Variants in CPEB1 observed in about 807,000 individuals in gnomAD.
The protein encoded by CPEB1 is cytoplasmic polyadenylation element-binding protein 1.
A neutral mutation model predicts 65.8 loss-of-function variants in CPEB1; 7 were observed. That is an observed-to-expected ratio of 0.11 (90% CI 0.06 to 0.20). The LOEUF (loss-of-function observed/expected upper bound fraction) is 0.20. Among genes scored for constraint, CPEB1 ranks in the 10% least tolerant of loss-of-function variants. The pLI, the probability that CPEB1 is intolerant of heterozygous loss-of-function variation, is 1.00. For missense variants in CPEB1, 551 were observed against 712.2 expected, an observed-to-expected ratio of 0.77 and a Z score of 2.58; for synonymous variants, 262 against 260.0, an observed-to-expected ratio of 1.01 and a Z score of -0.08.
chr15:82,589,344 G>A (rs897710315), intron 3 of CPEB1, among the ~76,000 whole-genome samples: 3 of 152,230 alleles, frequency 2.0e-5, no homozygotes, highest in African/African-American at 4.8e-5. Flanking sequence ...TTCTGAGAGA[G>A]AGACCTCAAT....
rs1405160530 is a variant in CPEB1, at chr15:82,543,798, G to C, written c.*794C>G. 6.6e-6 allele frequency: 1 copy of C among 152,064 alleles called. No homozygotes were observed. The highest frequency in any genetic ancestry group is 1.5e-5 in the Non-Finnish European group (1 of 68,016). 9.4% of individuals were successfully genotyped at this position (152,064 alleles called of 1,614,324 possible). A position where few individuals can be genotyped will look rare whatever the true frequency, so the allele number is the denominator to read the frequency against. On this transcript the variant is annotated 3_prime_UTR_variant, in exon 13 of 13. Coordinates refer to ENST00000684509, the MANE Select transcript of CPEB1 (RefSeq NM_001365242.1). Reference sequence around the variant, plus strand: ...CAGCCGCTCAAACACCGTTTATCCGGTCCAGTTTCAAATAAAACAAAAAAT... The same window carrying C: ...CAGCCGCTCAAACACCGTTTATCCGCTCCAGTTTCAAATAAAACAAAAAAT...
At position 82,604,137 on chromosome 15, in the gene CPEB1, C is replaced by A. The variant is rs74917746; in HGVS notation, c.271+23056G>T. ...GCCCAGAACGAAGGATCACTTGAGG[C>A]CAGGAGTTCAAGCCAAGCCTGGGCA... On this transcript the variant is annotated intron_variant, in intron 3 of 12. Transcript: ENST00000684509. Among the ~76,000 whole-genome samples the A allele has an allele frequency of 2.7e-3, 418 of 152,164 alleles. 2 individuals are homozygous for A. Among genetic ancestry groups the A allele is most frequent in the Admixed American group, 3.9e-3 (59 of 15,266 alleles).
chr15:82,624,352 G>C (rs1325253585), intron 3 of CPEB1, among the ~76,000 whole-genome samples: 1 of 152,268 alleles, frequency 6.6e-6, no homozygotes, highest in African/African-American at 2.4e-5. Context: ...CTGCAGTATT[G>C]TCTTAACATC....
chr15:82,552,798 G>A (rs980327771), intron 8 of CPEB1, among the ~76,000 whole-genome samples, 182 bp from the exon 9 acceptor site: 5 of 152,194 alleles, frequency 3.3e-5, no homozygotes, highest in Non-Finnish European at 7.3e-5. Flanking sequence ...CTGGGTTGTG[G>A]GCCTCCCTCC....
intron 9 of CPEB1, among the ~76,000 whole-genome samples, 200 bp downstream of exon 9, chr15:82,552,280 C>T (rs1227595019): frequency 1.3e-5 from 2 of 148,708 alleles, no homozygotes; most frequent in Non-Finnish European, 1.5e-5. Flanking sequence ...GCACACACCC[C>T]ATTAAGTCCC....
intron 3 of CPEB1, among the ~76,000 whole-genome samples, chr15:82,618,600 A>G (rs995559811): frequency 1.3e-5 from 2 of 152,204 alleles, no homozygotes; most frequent in African/African-American, 4.8e-5. Flanking sequence ...CAATTTGCAC[A>G]TAAGAAGGAC....
At chr15:82,643,497 C>T (rs10220739) in intron 1 of CPEB1, among the ~76,000 whole-genome samples, 21 of 152,044 alleles carry the variant, frequency 1.4e-4, no homozygotes, top group Middle Eastern at 3.4e-3. Flanking sequence ...GGCGTGGTGG[C>T]GCGTGCCTAT....
At chr15:82,618,872 T>C (rs752304044) in intron 3 of CPEB1, among the ~76,000 whole-genome samples, 8 of 152,226 alleles carry the variant, frequency 5.3e-5, no homozygotes, top group Non-Finnish European at 8.8e-5. Context: ...ATATCCATTA[T>C]CCAGAACTTG....
intron 3 of CPEB1, among the ~76,000 whole-genome samples, chr15:82,625,813 C>T (rs1343123518): frequency 1.3e-5 from 2 of 152,040 alleles, no homozygotes; most frequent in African/African-American, 4.8e-5. Flanking sequence ...AACATATATT[C>T]TTTCATCTAA....
At chr15:82,591,005 G>C (rs187527186) in intron 3 of CPEB1, among the ~76,000 whole-genome samples, 3 of 152,264 alleles carry the variant, frequency 2.0e-5, no homozygotes, top group Non-Finnish European at 4.4e-5. Flanking sequence ...ATGGTAAAAC[G>C]ATTTATATTC....
At chr15:82,603,078 A>G (rs1392669491) in intron 3 of CPEB1, among the ~76,000 whole-genome samples, 1 of 152,094 alleles carries the variant, frequency 6.6e-6, no homozygotes, top group Admixed American at 6.5e-5. Context: ...CTTGGTAAGA[A>G]CAACATTCTT....
At chr15:82,643,402 C>T (rs1051973061) in intron 1 of CPEB1, among the ~76,000 whole-genome samples, 3 of 152,040 alleles carry the variant, frequency 2.0e-5, no homozygotes, top group Admixed American at 6.5e-5. Flanking sequence ...GAGGCTGAGG[C>T]GGACAGATCA....
At chr15:82,571,262 A>G (rs939544233) in intron 4 of CPEB1, 82 bp downstream of exon 4, 3 of 1,517,548 alleles carry the variant, frequency 2.0e-6, no homozygotes, top group African/African-American at 1.4e-5. Context: ...AAAGGGGAAC[A>G]GAACAACTGT....
At chr15:82,599,773 A>C (rs1379905712) in intron 3 of CPEB1, among the ~76,000 whole-genome samples, 1 of 152,158 alleles carries the variant, frequency 6.6e-6, no homozygotes, top group Non-Finnish European at 1.5e-5. Flanking sequence ...AACCAGAATA[A>C]AACCAGGGCC....
intron 10 of CPEB1, among the ~76,000 whole-genome samples, chr15:82,547,636 A>G (rs1257811907): frequency 6.6e-6 from 1 of 151,894 alleles, no homozygotes; most frequent in African/African-American, 2.4e-5. Flanking sequence ...TTACGATACT[A>G]GTGCTGTCCG....
intron 3 of CPEB1, among the ~76,000 whole-genome samples, chr15:82,584,827 C>T (rs1052531942): frequency 4.3e-5 from 6 of 138,870 alleles, no homozygotes; most frequent in African/African-American, 1.4e-4. Flanking sequence ...AAAAAAAAAA[C>T]TGGAGAGATA....
At chr15:82,614,166 A>T (rs930933349) in intron 3 of CPEB1, among the ~76,000 whole-genome samples, 8 of 151,900 alleles carry the variant, frequency 5.3e-5, no homozygotes, top group Admixed American at 3.9e-4. Flanking sequence ...CCACATAAAA[A>T]TATGGGTCTT....
intron 10 of CPEB1, among the ~76,000 whole-genome samples, 163 bp downstream of exon 10, chr15:82,549,297 C>T (rs904728500): frequency 2.0e-5 from 3 of 152,142 alleles, no homozygotes; most frequent in Non-Finnish European, 2.9e-5. Flanking sequence ...TACAGAAGGG[C>T]CAGTACTCGT....
upstream of CPEB1, chr15:82,648,195 G>C (rs899294849): frequency 6.6e-6 from 2 of 304,836 alleles, no homozygotes; most frequent in African/African-American, 2.2e-5. Context: ...GGGGGCCAGA[G>C]ACCTAAGCCT....
Sources: allele counts gnomAD v4.1 joint callset (sites outside exome capture counted in the v4.1 genomes callset), GRCh38; gene constraint gnomAD v4.1.1; transcripts MANE v1.5; gene names NCBI Gene and HGNC (gene_info 2026-07-23, HGNC 2026-07-21).